TGM3: variants seen among roughly 807,000 people sequenced by gnomAD.
TGM3 encodes transglutaminase 3.
A neutral mutation model predicts 73.8 loss-of-function variants in TGM3; 52 were observed. That is an observed-to-expected ratio of 0.70 (90% CI 0.56 to 0.89). TGM3 has a LOEUF of 0.89. Ranked by LOEUF, TGM3 falls within the 40% of genes least tolerant of loss-of-function variation. The pLI, the probability that TGM3 is intolerant of heterozygous loss-of-function variation, is 0.00. For synonymous variants in TGM3, 372 were observed against 354.9 expected (o/e 1.05, Z -0.54); for missense variants, 928 against 909.9 (o/e 1.02, Z -0.26).
intron 7 of TGM3, among the ~76,000 whole-genome samples, chr20:2,320,709 C>A (rs45521632): frequency 6.6e-6 from 1 of 152,144 alleles, no homozygotes; most frequent in Non-Finnish European, 1.5e-5. Context: ...GGACACTTTT[C>A]GGGGGAGCTT....
chr20:2,311,623 C>G (rs914387974), intron 4 of TGM3, among the ~76,000 whole-genome samples: 7 of 152,110 alleles, frequency 4.6e-5, no homozygotes, highest in Admixed American at 3.9e-4. Context: ...AGAAAACTTT[C>G]AAGGATGCCC....
At chr20:2,306,601 T>G (rs538712074) in intron 1 of TGM3, among the ~76,000 whole-genome samples, 2 of 151,870 alleles carry the variant, frequency 1.3e-5, no homozygotes, top group East Asian at 3.9e-4. Flanking sequence ...CTCAACCTCC[T>G]GAGTAGCTGG....
chr20:2,303,585 A>C (rs950045197), intron 1 of TGM3, among the ~76,000 whole-genome samples: 1 of 152,166 alleles, frequency 6.6e-6, no homozygotes, highest in African/African-American at 2.4e-5. Context: ...TAAAAGAGAG[A>C]GTTCCTGGAA....
rs1291095172 is a variant in TGM3, at chr20:2,332,127, C to A, written c.1459C>A (p.Leu487Met). 2 of 1,614,228 alleles carry A rather than the reference C, an allele frequency of 1.2e-6. No homozygotes were observed. Among genetic ancestry groups the A allele is most frequent in the East Asian group, 4.5e-5 (2 of 44,886 alleles). ...ACAGGAGCCCAGCATCATCGGGAAG[C>A]TGAAGGTCGCTGGCATGCTGGCAGT... The part of the protein sequence containing the change: ...EEQEPSIIGK[L>M]KVAGMLAVGK... The change falls in exon 10 of 13, where the codon CTG becomes ATG. Residue 487 changes from leucine to methionine, a missense_variant. Coordinates refer to ENST00000381458, the MANE Select transcript of TGM3 (RefSeq NM_003245.4). This position sits in a 1 kb window ranked among gnomAD's most constrained non-coding sequence, Gnocchi z 4.4.
intron 1 of TGM3, among the ~76,000 whole-genome samples, chr20:2,306,602 G>T (rs2084177931): frequency 6.6e-6 from 1 of 151,246 alleles, no homozygotes; most frequent in Non-Finnish European, 1.5e-5. Flanking sequence ...TCAACCTCCT[G>T]AGTAGCTGGG....
rs530928041 is a variant in TGM3 at position 2,334,959 on chromosome 20, G to A, written c.1643-157G>A. ...CTGGAGCCCACCCTGACCGGGGGAC[G>A]CTTCCCACAGGACCTGGCCCAAGGA... On this transcript the variant is annotated intron_variant, in intron 10 of 12. Transcript: ENST00000381458. This position sits in a 1 kb window ranked among gnomAD's most constrained non-coding sequence, Gnocchi z 4.0. Among the ~76,000 whole-genome samples, 7 of 152,036 alleles carry A rather than the reference G, an allele frequency of 4.6e-5. No homozygotes were observed. Among genetic ancestry groups the A allele is most frequent in the Non-Finnish European group, 7.4e-5 (5 of 67,998 alleles).
chr20:2,302,288 C>T (rs528474793), intron 1 of TGM3, among the ~76,000 whole-genome samples: 17 of 152,280 alleles, frequency 1.1e-4, no homozygotes, highest in East Asian at 5.8e-4. Context: ...AGGATTGAGA[C>T]GGCTGACTAG....
chr20:2,338,838 C>T (rs986401945), intron 11 of TGM3, among the ~76,000 whole-genome samples: 4 of 152,262 alleles, frequency 2.6e-5, no homozygotes, highest in African/African-American at 9.6e-5. Context: ...CATTTGACCC[C>T]TTCTGGGAGG....
intron 4 of TGM3, 97 bp downstream of exon 4, chr20:2,311,226 A>G: frequency 2.0e-6 from 2 of 976,770 alleles, no homozygotes; most frequent in Admixed American, 1.8e-5. Flanking sequence ...ACATCTGTCC[A>G]TCTGCCTGCC....
At chr20:2,337,037 G>C (rs1297873889) in intron 11 of TGM3, among the ~76,000 whole-genome samples, 1 of 152,090 alleles carries the variant, frequency 6.6e-6, no homozygotes, top group Non-Finnish European at 1.5e-5. Flanking sequence ...CAATTATTTG[G>C]TTGTGAATCC....
intron 11 of TGM3, among the ~76,000 whole-genome samples, chr20:2,336,561 G>A (rs568477267): frequency 6.7e-6 from 1 of 149,948 alleles, no homozygotes; most frequent in African/African-American, 2.5e-5. Flanking sequence ...AAAGGGCAGG[G>A]GGATCTAGGA....
intron 1 of TGM3, among the ~76,000 whole-genome samples, chr20:2,309,036 A>C (rs214802): frequency 0.98 from 149,725 of 152,270 alleles, 73,625 homozygotes; most frequent in East Asian, 1. Context: ...AACCACCATG[A>C]CCAGCTAATT....
chr20:2,300,259 G>T (rs57601713), intron 1 of TGM3, among the ~76,000 whole-genome samples: 3 of 128,496 alleles, frequency 2.3e-5, no homozygotes. Context: ...AAAGAAAAGA[G>T]AGGAGAAGAG....
intron 4 of TGM3, among the ~76,000 whole-genome samples, chr20:2,311,604 G>C (rs1411108042): frequency 2.0e-5 from 3 of 152,044 alleles, no homozygotes; most frequent in African/African-American, 7.2e-5. Context: ...TCTCAGATTT[G>C]GTCAGTTTAG....
chr20:2,317,884 C>G lies in TGM3; in HGVS notation c.983+399C>G, dbSNP rs776140380. On this transcript the variant is annotated intron_variant, in intron 7 of 12. Coordinates refer to ENST00000381458, the MANE Select transcript of TGM3 (RefSeq NM_003245.4). ...GTAATCCATATGACTTACAAACTTT[C>G]TTAAAGAGAATAAGAAAAGCAACAC... Among the ~76,000 whole-genome samples, 277 of 149,940 alleles carry G rather than the reference C, an allele frequency of 1.8e-3. 1 individual carries two copies. Among genetic ancestry groups the G allele is most frequent in the Non-Finnish European group, 2.9e-3 (193 of 67,708 alleles).
At chr20:2,317,924 T>C (rs1600699632) in intron 7 of TGM3, among the ~76,000 whole-genome samples, 2 of 123,436 alleles carry the variant, frequency 1.6e-5, no homozygotes, top group African/African-American at 3.7e-5. Context: ...TCTCTTAGCA[T>C]ATATATATAT....
At chr20:2,303,817 C>T (rs1455924296) in intron 1 of TGM3, among the ~76,000 whole-genome samples, 10 of 152,112 alleles carry the variant, frequency 6.6e-5, no homozygotes, top group Admixed American at 3.9e-4. Flanking sequence ...TGGGAAATTG[C>T]CCCAGGCCTG....
chr20:2,298,613 A>G (rs907134767), intron 1 of TGM3, among the ~76,000 whole-genome samples: 24 of 152,194 alleles, frequency 1.6e-4, no homozygotes, highest in Middle Eastern at 3.4e-3. Flanking sequence ...CCCCCAAAGG[A>G]CCTGTACCAT....
intron 11 of TGM3, 37 bp downstream of exon 11, chr20:2,335,310 C>A: frequency 6.2e-7 from 1 of 1,610,418 alleles, no homozygotes; most frequent in Non-Finnish European, 8.5e-7. Context: ...AGGGGTTCTG[C>A]CCCCAGCCAG....
Sources: gnomAD v4.1 joint callset for allele counts (sites outside exome capture counted in the v4.1 genomes callset) on GRCh38, gnomAD v4.1.1 for gene constraint, Gnocchi (gnomAD v3.1) non-coding constraint, MANE v1.5 for transcripts, NCBI Gene and HGNC (gene_info 2026-07-23, HGNC 2026-07-21) for gene names.